TLE3: variants seen among roughly 807,000 people sequenced by gnomAD.
TLE3 encodes the protein transducin-like enhancer protein 3.
TLE3 carries 14 observed loss-of-function variants against 93.0 expected under a neutral mutation model. The observed-to-expected ratio is 0.15, with a 90% CI of 0.10 to 0.24. The LOEUF (loss-of-function observed/expected upper bound fraction) is 0.24. Ranked by LOEUF, TLE3 falls within the 10% of genes least tolerant of loss-of-function variation. The probability of loss-of-function intolerance (pLI) is 1.00; values close to 1 mark genes in which losing one functional copy is unlikely to be tolerated. For missense variants in TLE3, 693 were observed against 1,046.6 expected (o/e 0.66, Z 4.66); for synonymous variants, 451 against 425.0 (o/e 1.06, Z -0.75).
chr15:70,052,805 A>G, intron 17 of TLE3: 1 of 325,118 alleles, frequency 3.1e-6, no homozygotes, highest in East Asian at 5.2e-5. Context: ...TAAGATTAAA[A>G]TATTAAAGTG....
Position 70,097,799 on chromosome 15 carries a change from C to G in TLE3, c.-1001G>C, listed in dbSNP as rs1324015823. 5.9e-6 allele frequency: 2 copies of G among 336,238 alleles called. No individual in the cohort carries two copies. Among genetic ancestry groups the G allele is most frequent in the Non-Finnish European group, 1.0e-5 (2 of 200,564 alleles). 20.8% of individuals were successfully genotyped at this position (336,238 alleles called of 1,614,324 possible). On this transcript the variant is annotated 5_prime_UTR_variant, in exon 1 of 20. Transcript: ENST00000451782. ...CACCCAACACACACACACGCGCGCA[C>G]GCACACACACACACACCAAAAAAAA...
In TLE3 at chr15:70,051,480, G is replaced by A. The variant is rs1381245223; in HGVS notation, c.2126-13C>T. 4.4e-6 allele frequency: 7 copies of A among 1,600,386 alleles called. No individual in the cohort carries two copies. Among genetic ancestry groups the A allele is most frequent in the Non-Finnish European group, 5.1e-6 (6 of 1,173,162 alleles). ...ACGAACCACTTGCCTGCAGGTGGGAGGCAAAGGCATGATCAGGTTGTAGCT... is the reference window on the plus strand; with the variant it reads ...ACGAACCACTTGCCTGCAGGTGGGAAGCAAAGGCATGATCAGGTTGTAGCT... On this transcript the variant is annotated splice_polypyrimidine_tract_variant and intron_variant, in intron 18 of 19. Transcript: ENST00000451782.
chr15:70,050,247 T>A, intron 19 of TLE3, 43 bp from the exon 20 acceptor site: 2 of 1,480,378 alleles, frequency 1.4e-6, no homozygotes, highest in East Asian at 2.3e-5. Context: ...AGGCGTGGGG[T>A]GCAGGGAGAA....
At chr15:70,051,314 TATCC>T in intron 19 of TLE3, 73 bp downstream of exon 19, 2 of 1,410,158 alleles carry the variant, frequency 1.4e-6, no homozygotes, top group Non-Finnish European at 1.9e-6. Context: ...TTCCTGCTGC[TATCC>T]TCACTCCCAT....
intron 14 of TLE3, chr15:70,055,584 A>C: frequency 2.9e-6 from 1 of 347,234 alleles, no homozygotes; most frequent in Non-Finnish European, 5.2e-6. Context: ...CGATCCATAC[A>C]TTCCCCCAAC....
intron 4 of TLE3, among the ~76,000 whole-genome samples, chr15:70,079,022 A>C (rs776799917): frequency 3.9e-5 from 6 of 152,112 alleles, no homozygotes; most frequent in Non-Finnish European, 5.9e-5. Flanking sequence ...GGATCTTCCC[A>C]TAGGGCTGGT....
chr15:70,064,572 TG>T, intron 7 of TLE3, 102 bp from the exon 8 acceptor site: 9 of 1,525,636 alleles, frequency 5.9e-6, no homozygotes, highest in Non-Finnish European at 8.1e-6. Context: ...CTGGCTTTTG[TG>T]ATTTGCTAGT....
chr15:70,085,899 G>A (rs2058018025), intron 4 of TLE3, among the ~76,000 whole-genome samples: 1 of 152,218 alleles, frequency 6.6e-6, no homozygotes, highest in South Asian at 2.1e-4. Context: ...TCTGTTGTTA[G>A]GCAAAGCAAA....
At position 70,050,080 on chromosome 15, in the gene TLE3, C is replaced by T. The variant is rs1235267561; in HGVS notation, c.*17G>A. ...TCGGTTTCTCCCAGAGTTTGACAGC[C>T]CTGCTGGAGTTCTTGTTTAGTAGAT... On this transcript the variant is annotated 3_prime_UTR_variant, in exon 20 of 20. Coordinates refer to ENST00000451782, the MANE Select transcript of TLE3 (RefSeq NM_001105192.3). 1.9e-6 allele frequency: 3 copies of T among 1,605,574 alleles called. No individual in the cohort carries two copies. The African/African-American group carries it at 4.0e-5, about 21-fold the overall frequency.
intron 4 of TLE3, among the ~76,000 whole-genome samples, chr15:70,089,324 A>G (rs2058190789): frequency 6.6e-6 from 1 of 150,878 alleles, no homozygotes; most frequent in Non-Finnish European, 1.5e-5. Flanking sequence ...TAGACATCCG[A>G]CTCCCCCGCA....
At chr15:70,053,429 TG>T in intron 16 of TLE3, 55 bp from the exon 17 acceptor site, 2 of 1,555,150 alleles carry the variant, frequency 1.3e-6, no homozygotes, top group Non-Finnish European at 1.7e-6. Context: ...GACTGCCAGG[TG>T]GCGGCCATCC....
rs553697894 is a variant in TLE3 at position 70,049,381 on chromosome 15, G to A, written c.*716C>T. ...TCAGTCCGGATGCCCAGACCCGTGTGGAGGCACACGCATTCCAGCAGGCAC... is the reference window on the plus strand; with the variant it reads ...TCAGTCCGGATGCCCAGACCCGTGTAGAGGCACACGCATTCCAGCAGGCAC... On this transcript the variant is annotated 3_prime_UTR_variant, in exon 20 of 20. Coordinates refer to ENST00000451782, the MANE Select transcript of TLE3 (RefSeq NM_001105192.3). 1.1e-4 allele frequency: 16 copies of A among 152,316 alleles called. No homozygotes were observed. Among genetic ancestry groups the A allele is most frequent in the African/African-American group, 3.8e-4 (16 of 41,572 alleles). 9.4% of individuals were successfully genotyped at this position (152,316 alleles called of 1,614,324 possible). A position where few individuals can be genotyped will look rare whatever the true frequency, so the allele number is the denominator to read the frequency against.
In TLE3 at chr15:70,097,230, T is replaced by G. The variant is rs1489716692; in HGVS notation, c.-432A>C. 5.0e-6 allele frequency: 2 copies of G among 400,974 alleles called. No homozygotes were observed. The highest frequency in any genetic ancestry group is 2.1e-5 in the African/African-American group (1 of 48,066). The allele number at this position is 400,974 out of a possible 1,614,324, so 24.8% of individuals were successfully genotyped here. On this transcript the variant is annotated 5_prime_UTR_variant, in exon 1 of 20. Coordinates refer to ENST00000451782, the MANE Select transcript of TLE3 (RefSeq NM_001105192.3). ...TCCGGGTCACTCAGCGGGTCGCGCC[T>G]GTAGGGGGGCGCGCCGGGGCAGCCC...
chr15:70,092,598 G>A (rs910042698), intron 4 of TLE3, among the ~76,000 whole-genome samples: 6 of 152,192 alleles, frequency 3.9e-5, no homozygotes, highest in East Asian at 1.9e-4. Flanking sequence ...ATGAGACAAC[G>A]TAGCCAAACC....
intron 4 of TLE3, among the ~76,000 whole-genome samples, chr15:70,082,333 GC>G (rs1405552649): frequency 6.6e-6 from 1 of 151,818 alleles, no homozygotes; most frequent in East Asian, 1.9e-4. Flanking sequence ...CCATGGGGGG[GC>G]CGGGGGACAG....
chr15:70,067,636 C>G (rs967831884), intron 6 of TLE3, among the ~76,000 whole-genome samples: 1 of 152,168 alleles, frequency 6.6e-6, no homozygotes, highest in Non-Finnish European at 1.5e-5. Flanking sequence ...TTCTGGCAAC[C>G]GCGAACAGAT....
At chr15:70,062,162 G>GA (rs2056521149) in intron 8 of TLE3, among the ~76,000 whole-genome samples, 1 of 152,166 alleles carries the variant, frequency 6.6e-6, no homozygotes, top group African/African-American at 2.4e-5. Flanking sequence ...AAGCCTTGAA[G>GA]AAAAAATGGA....
At chr15:70,072,245 C>T (rs759304416) in intron 6 of TLE3, among the ~76,000 whole-genome samples, 5 of 152,174 alleles carry the variant, frequency 3.3e-5, no homozygotes, top group Non-Finnish European at 5.9e-5. Flanking sequence ...TACAGCTAAT[C>T]CAAGCAGTGC....
At chr15:70,059,267 CT>C (rs2056304744) in intron 10 of TLE3, 142 bp downstream of exon 10, 4 of 991,724 alleles carry the variant, frequency 4.0e-6, no homozygotes. Flanking sequence ...TCTTGACCCC[CT>C]GAGACCCCAA....
Sources: gnomAD v4.1 joint callset for allele counts (sites outside exome capture counted in the v4.1 genomes callset) on GRCh38, gnomAD v4.1.1 for gene constraint, MANE v1.5 for transcripts, NCBI Gene and HGNC (gene_info 2026-07-23, HGNC 2026-07-21) for gene names.